Variants in GABRG3 observed in about 807,000 individuals in gnomAD.
GABRG3 encodes the protein gamma-aminobutyric acid type A receptor subunit gamma3.
A neutral mutation model predicts 48.8 loss-of-function variants in GABRG3; 25 were observed. That is an observed-to-expected ratio of 0.51 (90% CI 0.37 to 0.72). GABRG3 has a LOEUF of 0.72. Among genes scored for constraint, GABRG3 ranks in the 30% least tolerant of loss-of-function variants. GABRG3 has a pLI of 0.00. For synonymous variants in GABRG3, 227 were observed against 217.6 expected, an observed-to-expected ratio of 1.04 and a Z score of -0.38; for missense variants, 394 against 577.9, an observed-to-expected ratio of 0.68 and a Z score of 3.26.
intron 6 of GABRG3, among the ~76,000 whole-genome samples, chr15:27,484,592 C>T (rs1890176813): frequency 6.6e-6 from 1 of 152,182 alleles, no homozygotes; most frequent in Non-Finnish European, 1.5e-5. Flanking sequence ...GTGCCCAGAT[C>T]TTGGTTTCTA....
intron 5 of GABRG3, among the ~76,000 whole-genome samples, chr15:27,404,420 A>C (rs1438634147): frequency 6.6e-6 from 1 of 152,050 alleles, no homozygotes; most frequent in Non-Finnish European, 1.5e-5. Context: ...CCTGGGATGC[A>C]CCCATCTGGC....
At chr15:27,454,549 C>T (rs1265024114) in intron 5 of GABRG3, among the ~76,000 whole-genome samples, 1 of 152,184 alleles carries the variant, frequency 6.6e-6, no homozygotes. Context: ...CGCCTCATGA[C>T]TCAGTAATGC....
chr15:27,203,035 A>G (rs1248645975), intron 3 of GABRG3, among the ~76,000 whole-genome samples: 1 of 152,122 alleles, frequency 6.6e-6, no homozygotes, highest in South Asian at 2.1e-4. Context: ...ATCTATATGG[A>G]ACTGTTTTAC....
rs577071550 is a variant in GABRG3, at chr15:27,208,617, G to A, written c.271-118192G>A. Reference sequence around the variant, plus strand: ...AGGTCACTGAGATCTTCCATGGAGCGTTTGAAAGGGCCTGTCATGGCAGCA... The same window carrying A: ...AGGTCACTGAGATCTTCCATGGAGCATTTGAAAGGGCCTGTCATGGCAGCA... On this transcript the variant is annotated intron_variant, in intron 3 of 9. Transcript: ENST00000615808. The A allele has an allele frequency of 4.3e-4, 68 of 159,508 alleles. No homozygotes were observed. The East Asian group carries it at 9.9e-3, about 23-fold the overall frequency. The allele number at this position is 159,508 out of a possible 1,614,324, so 9.9% of individuals were successfully genotyped here. A position where few individuals can be genotyped will look rare whatever the true frequency, so the allele number is the denominator to read the frequency against.
chr15:27,476,944 G>A (rs562567058), intron 5 of GABRG3, among the ~76,000 whole-genome samples: 1 of 152,152 alleles, frequency 6.6e-6, no homozygotes, highest in South Asian at 2.1e-4. Context: ...ACTTACAGGT[G>A]AGTCACAATA....
At chr15:27,014,040 A>T (rs1165699673) in intron 2 of GABRG3, among the ~76,000 whole-genome samples, 1 of 152,094 alleles carries the variant, frequency 6.6e-6, no homozygotes, top group African/African-American at 2.4e-5. Context: ...TCTACAAACA[A>T]TGTTTTGTAG....
chr15:27,352,116 G>C lies in GABRG3; in HGVS notation c.574+23228G>C, dbSNP rs1203095826. Among the ~76,000 whole-genome samples, 2 of 151,116 alleles carry C rather than the reference G, an allele frequency of 1.3e-5. No homozygotes were observed. The highest frequency in any genetic ancestry group is 3.0e-5 in the Non-Finnish European group (2 of 67,750). ...TGTATGATGTGTGTATGTATGGTGTGTGTGTATGTATGATGTGTGTATTGT... is the reference window on the plus strand; with the variant it reads ...TGTATGATGTGTGTATGTATGGTGTCTGTGTATGTATGATGTGTGTATTGT... On this transcript the variant is annotated intron_variant, in intron 5 of 9. Coordinates refer to ENST00000615808, the MANE Select transcript of GABRG3 (RefSeq NM_033223.5). The surrounding 1 kb of genome is among the most constrained non-coding windows in gnomAD (Gnocchi z 4.0).
intron 3 of GABRG3, among the ~76,000 whole-genome samples, chr15:27,030,671 G>A (rs764805799): frequency 7.2e-5 from 10 of 138,484 alleles, no homozygotes; most frequent in Non-Finnish European, 1.2e-4. Flanking sequence ...TTTTAGGAAA[G>A]CAAAGAAGAA....
intron 5 of GABRG3, among the ~76,000 whole-genome samples, chr15:27,433,921 A>G (rs1445045777): frequency 6.6e-6 from 1 of 152,216 alleles, no homozygotes; most frequent in Non-Finnish European, 1.5e-5. Flanking sequence ...AGCTAAGATT[A>G]ATAATTTTCT....
chr15:27,431,444 A>G (rs1271651459), intron 5 of GABRG3, among the ~76,000 whole-genome samples: 3 of 152,130 alleles, frequency 2.0e-5, no homozygotes, highest in African/African-American at 2.4e-5. Flanking sequence ...AGGAATTTCT[A>G]TATATGATAT....
At chr15:27,320,630 T>G (rs2140514255) in intron 3 of GABRG3, among the ~76,000 whole-genome samples, 1 of 152,258 alleles carries the variant, frequency 6.6e-6, no homozygotes, top group Admixed American at 6.5e-5. Flanking sequence ...GTCTTGCTCC[T>G]AAAAAATAAT....
At chr15:27,456,885 G>A (rs1216315624) in intron 5 of GABRG3, among the ~76,000 whole-genome samples, 2 of 152,148 alleles carry the variant, frequency 1.3e-5, no homozygotes, top group Admixed American at 6.5e-5. Flanking sequence ...CAGGAAGAAG[G>A]GCCCTCCCTA....
At chr15:27,185,651 C>T (rs1888069586) in intron 3 of GABRG3, among the ~76,000 whole-genome samples, 1 of 152,024 alleles carries the variant, frequency 6.6e-6, no homozygotes, top group Non-Finnish European at 1.5e-5. Context: ...TCAATGATAG[C>T]TATAAATTTG....
intron 3 of GABRG3, among the ~76,000 whole-genome samples, chr15:27,256,496 G>C (rs147718070): frequency 1.1e-4 from 17 of 151,426 alleles, no homozygotes; most frequent in South Asian, 4.2e-4. Flanking sequence ...TTAAGGGTAG[G>C]GGGGGCGGGG....
At chr15:27,328,115 ACAAAAAAAAAAAC>A (rs1230257910) in intron 4 of GABRG3, among the ~76,000 whole-genome samples, 1 of 142,480 alleles carries the variant, frequency 7.0e-6, no homozygotes, top group Non-Finnish European at 1.5e-5. Flanking sequence ...AAACAAACAA[ACAAAAAAAAAAAC>A]CAAAAAAAAA....
At chr15:27,165,211 G>A (rs1887333957) in intron 3 of GABRG3, among the ~76,000 whole-genome samples, 1 of 152,160 alleles carries the variant, frequency 6.6e-6, no homozygotes, top group African/African-American at 2.4e-5. Context: ...GGCAGATGGA[G>A]TAGGGCTTCA....
rs565591221 is a variant in GABRG3 at position 27,241,307 on chromosome 15, G to A, written c.271-85502G>A. 3.3e-5 allele frequency among the ~76,000 whole-genome samples: 5 copies of A among 152,244 alleles called. No individual in the cohort carries two copies. In the South Asian group the frequency reaches 6.2e-4, roughly 19 times the overall value. On this transcript the variant is annotated intron_variant, in intron 3 of 9. Transcript: ENST00000615808. ...TCTCTCCATGGAGTAAAAGTTAGTG[G>A]CAGCATTATTTTCTTTGTTTCCTCC... is the stretch of plus-strand genomic sequence containing the variant.
chr15:27,257,047 G>A (rs373065943), intron 3 of GABRG3, among the ~76,000 whole-genome samples: 2 of 152,138 alleles, frequency 1.3e-5, no homozygotes, highest in South Asian at 2.1e-4. Flanking sequence ...CAATGCACTA[G>A]GGTTCCCTTT....
chr15:27,386,256 C>T (rs745780905), intron 5 of GABRG3, among the ~76,000 whole-genome samples: 37 of 152,064 alleles, frequency 2.4e-4, no homozygotes, highest in Non-Finnish European at 4.9e-4. Flanking sequence ...GTTTGTTTCC[C>T]GTCCTTTGCT....
Sources: allele counts gnomAD v4.1 joint callset (sites outside exome capture counted in the v4.1 genomes callset), GRCh38; gene constraint gnomAD v4.1.1; non-coding constraint Gnocchi (gnomAD v3.1); transcripts MANE v1.5; gene names NCBI Gene and HGNC (gene_info 2026-07-23, HGNC 2026-07-21).